Variants in TENM2 observed in about 807,000 individuals in gnomAD.
The protein encoded by TENM2 is teneurin-2.
Under a neutral mutation model 245.2 loss-of-function variants are expected in TENM2, and 52 were observed. The ratio of observed to expected loss-of-function variants is 0.21; its 90% CI spans 0.17 to 0.27. TENM2 has a LOEUF of 0.27. TENM2 is among the 10% of genes least tolerant of loss of function. The pLI is 1.00. For synonymous variants in TENM2, 1,363 were observed against 1,438.9 expected, an observed-to-expected ratio of 0.95 and a Z score of 1.19; for missense variants, 3,046 against 3,666.8, an observed-to-expected ratio of 0.83 and a Z score of 4.37.
At chr5:167,550,079 G>A (rs1562047082) in intron 2 of TENM2, among the ~76,000 whole-genome samples, 1 of 152,044 alleles carries the variant, frequency 6.6e-6, no homozygotes, top group South Asian at 2.1e-4. Flanking sequence ...TCTACCTAAC[G>A]TTTTGCCTTC....
At chr5:168,101,592 G>C (rs1393100555) in intron 9 of TENM2, among the ~76,000 whole-genome samples, 1 of 152,232 alleles carries the variant, frequency 6.6e-6, no homozygotes, top group East Asian at 1.9e-4. Context: ...ATTAGCCATG[G>C]TATATAATTG....
the TENM2 span, among the ~76,000 whole-genome samples, chr5:167,261,493 A>T: frequency 6.6e-6 from 1 of 152,256 alleles, no homozygotes; most frequent in Non-Finnish European, 1.5e-5. Flanking sequence ...ACTGTTTGTC[A>T]TCATTAACAT....
In TENM2 at chr5:168,083,606, T is replaced by C. The variant is rs1024447149; in HGVS notation, c.1516-6968T>C. On this transcript the variant is annotated intron_variant, in intron 7 of 28. Coordinates refer to ENST00000518659, the Ensembl canonical transcript of TENM2. ...CAGTGACAAGTCTCCCACTCTTAAGTGTTGGAGAAAGTTCATATCCAAAAG... is the reference window on the plus strand; with the variant it reads ...CAGTGACAAGTCTCCCACTCTTAAGCGTTGGAGAAAGTTCATATCCAAAAG... 1.6e-4 allele frequency among the ~76,000 whole-genome samples: 24 copies of C among 152,320 alleles called. No individual in the cohort carries two copies. The South Asian group carries it at 1.9e-3, about 12-fold the overall frequency.
chr5:167,490,026 C>G (rs1646000900), intron 2 of TENM2, among the ~76,000 whole-genome samples: 1 of 152,036 alleles, frequency 6.6e-6, no homozygotes, highest in Admixed American at 6.6e-5. Context: ...TTTGTACAAC[C>G]TTCAGATTAT....
chr5:168,199,978 C>T, exon 17 of TENM2: 1 of 1,613,976 alleles, frequency 6.2e-7, no homozygotes, highest in Non-Finnish European at 8.5e-7. Context: ...GTCCACAGTG[C>T]CCCTGAACCT....
chr5:167,059,273 G>C, the TENM2 span, among the ~76,000 whole-genome samples: 7 of 152,246 alleles, frequency 4.6e-5, no homozygotes, highest in African/African-American at 1.7e-4. Context: ...CTAACATGTT[G>C]ATTTTAGAAG....
the TENM2 span, among the ~76,000 whole-genome samples, chr5:167,085,660 G>C: frequency 1.3e-5 from 2 of 152,182 alleles, no homozygotes; most frequent in African/African-American, 4.8e-5. Context: ...AAAGAAGTCT[G>C]ATTCAAAAGC....
At chr5:167,842,636 G>A (rs971326952) in intron 2 of TENM2, among the ~76,000 whole-genome samples, 10 of 139,746 alleles carry the variant, frequency 7.2e-5, no homozygotes, top group Non-Finnish European at 1.4e-4. Flanking sequence ...CAGTTCCTCA[G>A]AGACCATTTA....
At chr5:167,991,391 C>T (rs1484843183) in intron 4 of TENM2, among the ~76,000 whole-genome samples, 1 of 152,166 alleles carries the variant, frequency 6.6e-6, no homozygotes, top group Non-Finnish European at 1.5e-5. Context: ...AAGACATAGT[C>T]CATGGCCTCC....
rs1403084650 is a variant in TENM2 at position 167,736,697 on chromosome 5, A to AAT, written c.503-139288_503-139287insTA. Among the ~76,000 whole-genome samples the AAT allele has an allele frequency of 3.3e-5, 5 of 151,800 alleles. No homozygotes were observed. In the East Asian group the frequency reaches 9.7e-4, roughly 29 times the overall value. ...AAGCCCTGGCTCAGGAAAAAAAAAA[A>AAT]AAAAAAATCCTCTGAGGGTCTGAAG... On this transcript the variant is annotated intron_variant, in intron 2 of 28. Transcript: ENST00000518659.
intron 8 of TENM2, among the ~76,000 whole-genome samples, chr5:168,097,801 T>C (rs1289679882): frequency 6.6e-6 from 1 of 152,098 alleles, no homozygotes; most frequent in African/African-American, 2.4e-5. Flanking sequence ...CTACTAGCCC[T>C]GCATTCCTGC....
At chr5:167,000,535 G>T in the TENM2 span, among the ~76,000 whole-genome samples, 1 of 152,122 alleles carries the variant, frequency 6.6e-6, no homozygotes, top group African/African-American at 2.4e-5. Context: ...GAGTGTAATG[G>T]GTAAAGAATT....
chr5:167,927,137 A>C (rs1777829328), intron 3 of TENM2, among the ~76,000 whole-genome samples: 1 of 151,840 alleles, frequency 6.6e-6, no homozygotes, highest in African/African-American at 2.4e-5. Flanking sequence ...GAGAGAGAAA[A>C]ACAGAGGTGT....
chr5:168,041,679 T>C (rs1788202657), intron 5 of TENM2, among the ~76,000 whole-genome samples: 1 of 152,226 alleles, frequency 6.6e-6, no homozygotes, highest in Non-Finnish European at 1.5e-5. Flanking sequence ...GCCTCTAGAA[T>C]GTAGGTTCCA....
the TENM2 span, among the ~76,000 whole-genome samples, chr5:167,198,004 A>T: frequency 6.6e-6 from 1 of 152,014 alleles, no homozygotes; most frequent in African/African-American, 2.4e-5. Flanking sequence ...GATTTGTCAT[A>T]GCCTGAGAAG....
At chr5:167,158,735 C>A in the TENM2 span, among the ~76,000 whole-genome samples, 5 of 152,116 alleles carry the variant, frequency 3.3e-5, no homozygotes, top group Non-Finnish European at 5.9e-5. Flanking sequence ...GAGGTCTCCA[C>A]CATCATGATC....
chr5:167,955,963 T>C (rs1215283359), intron 4 of TENM2, among the ~76,000 whole-genome samples: 1 of 152,236 alleles, frequency 6.6e-6, no homozygotes, highest in Non-Finnish European at 1.5e-5. Context: ...GGCTCTTTTT[T>C]GGTTCCATAT....
intron 2 of TENM2, among the ~76,000 whole-genome samples, chr5:167,492,223 A>T (rs1361545842): frequency 1.3e-5 from 2 of 152,142 alleles, no homozygotes; most frequent in Non-Finnish European, 2.9e-5. Flanking sequence ...ATGAGGCAGT[A>T]TAGGGTAGTG....
chr5:167,425,679 T>C (rs571740411), intron 2 of TENM2, among the ~76,000 whole-genome samples: 1 of 152,302 alleles, frequency 6.6e-6, no homozygotes, highest in African/African-American at 2.4e-5. Flanking sequence ...TTAATAACTG[T>C]ATGAACATGG....
Sources: allele counts gnomAD v4.1 joint callset (sites outside exome capture counted in the v4.1 genomes callset), GRCh38; gene constraint gnomAD v4.1.1; transcripts MANE v1.5; gene names NCBI Gene and HGNC (gene_info 2026-07-23, HGNC 2026-07-21).